The following MOB1A variants were observed in gnomAD, a reference collection of about 807,000 sequenced individuals.
MOB1A encodes the protein MOB1 Mps One Binder homolog A.
Under a neutral mutation model 25.1 loss-of-function variants are expected in MOB1A, and 10 were observed. The ratio of observed to expected loss-of-function variants is 0.40; its 90% CI spans 0.25 to 0.68. MOB1A has a LOEUF of 0.68. Ranked by LOEUF, MOB1A falls within the 30% of genes least tolerant of loss-of-function variation. The pLI is 0.40. For synonymous variants in MOB1A, 81 were observed against 79.5 expected, an observed-to-expected ratio of 1.02 and a Z score of -0.10; for missense variants, 177 against 256.3, an observed-to-expected ratio of 0.69 and a Z score of 2.11.
At chr2:74,161,013 T>C (rs13421735) in intron 4 of MOB1A, among the ~76,000 whole-genome samples, 15,146 of 151,856 alleles carry the variant, frequency 0.1, 2,540 homozygotes, top group African/African-American at 0.35. Flanking sequence ...GAGCCAAGAT[T>C]GCCGCCACTG....
At chr2:74,165,144 C>T in intron 4 of MOB1A, 74 bp downstream of exon 4, 6 of 1,180,578 alleles carry the variant, frequency 5.1e-6, no homozygotes, top group Non-Finnish European at 6.8e-6. Context: ...ACACAGCAAA[C>T]CCCCCCAACT....
At chr2:74,159,716 A>G (rs1215303726) in intron 4 of MOB1A, among the ~76,000 whole-genome samples, 2 of 152,216 alleles carry the variant, frequency 1.3e-5, no homozygotes, top group Non-Finnish European at 2.9e-5. Flanking sequence ...CTCACAAAGT[A>G]CCACACTTTT....
intron 5 of MOB1A, among the ~76,000 whole-genome samples, chr2:74,158,795 A>T (rs1387335805): frequency 6.6e-6 from 1 of 151,114 alleles, no homozygotes; most frequent in African/African-American, 2.5e-5. Context: ...AAAAAAAAAA[A>T]AAGTTCCAAT....
At chr2:74,161,740 G>A (rs1692978752) in intron 4 of MOB1A, among the ~76,000 whole-genome samples, 1 of 151,756 alleles carries the variant, frequency 6.6e-6, no homozygotes, top group Non-Finnish European at 1.5e-5. Flanking sequence ...AAGGTTGCTT[G>A]GGCCTAGAAG....
At chr2:74,172,805 G>C (rs1056834471) in intron 1 of MOB1A, 53 bp from the exon 2 acceptor site, 2 of 1,533,844 alleles carry the variant, frequency 1.3e-6, no homozygotes, top group Non-Finnish European at 1.8e-6. Flanking sequence ...AAGTAGAACA[G>C]GTAGAACAAC....
intron 1 of MOB1A, among the ~76,000 whole-genome samples, chr2:74,173,376 GTTTTTTTTTT>G (rs35382378): frequency 4.3e-5 from 4 of 93,314 alleles, no homozygotes; most frequent in Non-Finnish European, 8.2e-5. Flanking sequence ...CTCAATTTCG[GTTTTTTTTTT>G]TTTTTTTTTT....
In MOB1A at chr2:74,167,091, G is replaced by C. The variant is rs1427997054; in HGVS notation, c.198C>G (p.Asn66Lys). 1 of 1,613,336 alleles carries C rather than the reference G, an allele frequency of 6.2e-7. No homozygotes were observed. The highest frequency in any genetic ancestry group is 1.3e-5 in the African/African-American group (1 of 74,896). ...TAGTTCCATATAACATGTTGATCTG[G>C]TTAAAGAAATCCACAGCTGCAGAGA... ...WIAVNTVDFF[N>K]QINMLYGTIT... The change falls in exon 3 of 6, where the codon AAC (asparagine) becomes AAG (lysine). Residue 66 changes from asparagine (N) to lysine (K), a missense_variant. Transcript: ENST00000396049.
At position 74,178,814 on chromosome 2, in the gene MOB1A, C is replaced by G; in HGVS notation, c.-140G>C. 1 of 445,554 alleles carries G rather than the reference C, an allele frequency of 2.2e-6. No individual in the cohort carries two copies. The highest frequency in any genetic ancestry group is 3.6e-6 in the Non-Finnish European group (1 of 279,220). 27.6% of individuals were successfully genotyped at this position (445,554 alleles called of 1,614,324 possible). A position where few individuals can be genotyped will look rare whatever the true frequency, so the allele number is the denominator to read the frequency against. On this transcript the variant is annotated 5_prime_UTR_variant, in exon 1 of 6. Coordinates refer to ENST00000396049, the MANE Select transcript of MOB1A (RefSeq NM_018221.5). ...CGCCGCTCGGAGCCGGGTTTCTGGCCGCTGCGAGCCTTTGCAAACCTCGGC... is the reference window on the plus strand; with the variant it reads ...CGCCGCTCGGAGCCGGGTTTCTGGCGGCTGCGAGCCTTTGCAAACCTCGGC...
At chr2:74,172,839 C>T in intron 1 of MOB1A, 87 bp from the exon 2 acceptor site, 1 of 1,357,638 alleles carries the variant, frequency 7.4e-7, no homozygotes, top group Non-Finnish European at 1.0e-6. Flanking sequence ...TATAAAGTAG[C>T]CTGTAAAAAT....
chr2:74,173,873 C>T lies in MOB1A; in HGVS notation c.15-1121G>A, dbSNP rs550957757. On this transcript the variant is annotated intron_variant, in intron 1 of 5. Coordinates refer to ENST00000396049, the MANE Select transcript of MOB1A (RefSeq NM_018221.5). ...CTGAGGCAGGAGAATGGGGTGAACC[C>T]GGGAGGCGGAGCTTGCAGTGAGTCG... is the stretch of plus-strand genomic sequence containing the variant. Among the ~76,000 whole-genome samples, 434 of 140,986 alleles carry T rather than the reference C, an allele frequency of 3.1e-3. 4 individuals are homozygous for T. The highest frequency in any genetic ancestry group is 0.011 in the African/African-American group (403 of 37,156). 92.5% of individuals were successfully genotyped at this position (140,986 alleles called of 152,430 possible). A position where few individuals can be genotyped will look rare whatever the true frequency, so the allele number is the denominator to read the frequency against.
chr2:74,169,380 T>C (rs1693219334), intron 2 of MOB1A, among the ~76,000 whole-genome samples: 2 of 152,018 alleles, frequency 1.3e-5, no homozygotes, highest in African/African-American at 4.8e-5. Flanking sequence ...CACATGCCTG[T>C]AATCCCAGCT....
chr2:74,162,646 T>A (rs760647573), intron 4 of MOB1A, among the ~76,000 whole-genome samples: 3 of 151,872 alleles, frequency 2.0e-5, no homozygotes, highest in Non-Finnish European at 4.4e-5. Flanking sequence ...TAAAGATATA[T>A]GAGAAAGGAA....
chr2:74,164,992 A>T (rs746576676), intron 4 of MOB1A: 1 of 261,092 alleles, frequency 3.8e-6, no homozygotes. Flanking sequence ...CTCTACAAGT[A>T]TAACAATGTT....
At chr2:74,161,640 C>T (rs1238280876) in intron 4 of MOB1A, among the ~76,000 whole-genome samples, 1 of 124,248 alleles carries the variant, frequency 8.0e-6, no homozygotes, top group East Asian at 2.4e-4. Context: ...CAGAGTGAGA[C>T]TCCGCCTCAA....
At chr2:74,161,594 T>C (rs560283688) in intron 4 of MOB1A, among the ~76,000 whole-genome samples, 1 of 149,988 alleles carries the variant, frequency 6.7e-6, no homozygotes, top group South Asian at 2.1e-4. Context: ...GCTTGCAGTG[T>C]GCTGAGATCA....
chr2:74,177,864 G>A (rs1693519706), intron 1 of MOB1A: 2 of 152,130 alleles, frequency 1.3e-5, no homozygotes, highest in Admixed American at 6.5e-5. Context: ...ATGTGCATAA[G>A]AATCATCAGG....
chr2:74,153,095 A>T lies in MOB1A; in HGVS notation c.*3473T>A, dbSNP rs1468983494. The T allele has an allele frequency of 6.6e-6, 1 of 152,216 alleles. No homozygotes were observed. Among genetic ancestry groups the T allele is most frequent in the East Asian group, 1.9e-4 (1 of 5,198 alleles). 9.4% of individuals were successfully genotyped at this position (152,216 alleles called of 1,614,324 possible). On this transcript the variant is annotated 3_prime_UTR_variant, in exon 6 of 6. Transcript: ENST00000396049. ...CCCTTATGGATCTCAGGGGGAAATAATGTGCCTGTTGAAGGGGCTCAGTGT... is the reference window on the plus strand; with the variant it reads ...CCCTTATGGATCTCAGGGGGAAATATTGTGCCTGTTGAAGGGGCTCAGTGT...
intron 1 of MOB1A, among the ~76,000 whole-genome samples, chr2:74,173,408 T>TCTTA (rs1322615403): frequency 7.7e-6 from 1 of 130,116 alleles, no homozygotes; most frequent in Non-Finnish European, 1.6e-5. Flanking sequence ...TGAGATGTAG[T>TCTTA]CTTACTCTGT....
At chr2:74,161,657 A>G (rs1269100034) in intron 4 of MOB1A, among the ~76,000 whole-genome samples, 1 of 145,594 alleles carries the variant, frequency 6.9e-6, no homozygotes, top group African/African-American at 2.6e-5. Context: ...TCAAAAAAAA[A>G]AAAAAGCAGT....
Sources: allele counts gnomAD v4.1 joint callset (sites outside exome capture counted in the v4.1 genomes callset), GRCh38; gene constraint gnomAD v4.1.1; transcripts MANE v1.5; gene names NCBI Gene and HGNC (gene_info 2026-07-23, HGNC 2026-07-21).